MLLT3: variants seen among roughly 807,000 people sequenced by gnomAD.
The protein encoded by MLLT3 is MLLT3 super elongation complex subunit.
Under a neutral mutation model 53.2 loss-of-function variants are expected in MLLT3, and 4 were observed. The observed-to-expected ratio is 0.08, with a 90% CI of 0.04 to 0.17. The LOEUF (loss-of-function observed/expected upper bound fraction) is 0.17, where lower values mean the gene tolerates loss of function less well. Among genes scored for constraint, MLLT3 ranks in the 10% least tolerant of loss-of-function variants. The probability of loss-of-function intolerance (pLI) is 1.00; values close to 1 mark genes in which losing one functional copy is unlikely to be tolerated. For missense variants in MLLT3, 569 were observed against 684.0 expected, an observed-to-expected ratio of 0.83 and a Z score of 1.87; for synonymous variants, 283 against 230.6, an observed-to-expected ratio of 1.23 and a Z score of -2.06.
At chr9:20,506,127 T>C (rs1825374487) in intron 2 of MLLT3, among the ~76,000 whole-genome samples, 1 of 151,880 alleles carries the variant, frequency 6.6e-6, no homozygotes, top group South Asian at 2.1e-4. Flanking sequence ...CGATTTCGGC[T>C]CACTGCAACC....
chr9:20,364,400 A>C (rs1488214173), intron 6 of MLLT3, among the ~76,000 whole-genome samples: 1 of 152,212 alleles, frequency 6.6e-6, no homozygotes, highest in Non-Finnish European at 1.5e-5. Context: ...AGTGTGGCTT[A>C]TTTTCACTTT....
At chr9:20,396,950 A>G (rs1382776121) in intron 5 of MLLT3, among the ~76,000 whole-genome samples, 2 of 152,180 alleles carry the variant, frequency 1.3e-5, no homozygotes, top group African/African-American at 4.8e-5. Context: ...AGTTAAACAC[A>G]TACACACACT....
At chr9:20,506,897 T>C (rs10811356) in intron 2 of MLLT3, among the ~76,000 whole-genome samples, 32,884 of 152,130 alleles carry the variant, frequency 0.22, 3,697 homozygotes, top group African/African-American at 0.27. Flanking sequence ...ATTTGATTAA[T>C]TGAAAATTAA....
intron 2 of MLLT3, among the ~76,000 whole-genome samples, chr9:20,530,723 T>G (rs1388874607): frequency 2.0e-5 from 3 of 152,214 alleles, no homozygotes; most frequent in Admixed American, 2.0e-4. Flanking sequence ...CTCTACATCC[T>G]GGGTTTCAAT....
chr9:20,450,580 C>G (rs952815399), intron 3 of MLLT3, among the ~76,000 whole-genome samples: 1 of 152,184 alleles, frequency 6.6e-6, no homozygotes, highest in African/African-American at 2.4e-5. Flanking sequence ...TGGCCTTTCA[C>G]AAGTAGTGCT....
chr9:20,451,139 A>G (rs1823829624), intron 3 of MLLT3, among the ~76,000 whole-genome samples: 2 of 152,194 alleles, frequency 1.3e-5, no homozygotes, highest in Admixed American at 6.5e-5. Flanking sequence ...TGCTAACTGA[A>G]TTAAAGGCAA....
At chr9:20,552,472 AGCTAGACTCTAGCT>A (rs1346911239) in intron 2 of MLLT3, among the ~76,000 whole-genome samples, 1 of 152,162 alleles carries the variant, frequency 6.6e-6, no homozygotes, top group East Asian at 1.9e-4. Context: ...CACCACTAGC[AGCTAGACTCTAGCT>A]GCTAGAACAT....
rs375173076 is a variant in MLLT3 at position 20,622,302 on chromosome 9, C to T, written c.-46G>A. 3 of 1,499,630 alleles carry T rather than the reference C, an allele frequency of 2.0e-6. No homozygotes were observed. Among genetic ancestry groups the T allele is most frequent in the African/African-American group, 1.4e-5 (1 of 70,142 alleles). 92.9% of individuals were successfully genotyped at this position (1,499,630 alleles called of 1,614,324 possible). ...GCTGGGGTGTTGTGTGGTACCCCCC[C>T]CTCCTCCGCCCCCCCTCAGCTGTAA... On this transcript the variant is annotated 5_prime_UTR_variant, in exon 1 of 11. Transcript: ENST00000380338.
intron 2 of MLLT3, among the ~76,000 whole-genome samples, chr9:20,537,241 G>C (rs1299591376): frequency 6.6e-6 from 1 of 152,078 alleles, no homozygotes; most frequent in African/African-American, 2.4e-5. Flanking sequence ...AAAGAGCTAA[G>C]GCCAAATCAA....
At chr9:20,491,230 A>C (rs1243062384) in intron 2 of MLLT3, among the ~76,000 whole-genome samples, 1 of 152,160 alleles carries the variant, frequency 6.6e-6, no homozygotes, top group Non-Finnish European at 1.5e-5. Flanking sequence ...TGTCAATCAA[A>C]GGCTACGTTT....
chr9:20,558,929 G>A (rs968795331), intron 2 of MLLT3, among the ~76,000 whole-genome samples: 3 of 152,200 alleles, frequency 2.0e-5, no homozygotes, highest in African/African-American at 7.2e-5. Flanking sequence ...CTTTCTCATA[G>A]CTTAGTCACA....
chr9:20,579,828 A>G (rs1819745865), intron 2 of MLLT3, among the ~76,000 whole-genome samples: 1 of 152,304 alleles, frequency 6.6e-6, no homozygotes, highest in South Asian at 2.1e-4. Context: ...TGATCCACAG[A>G]GCTCAGTATG....
intron 5 of MLLT3, among the ~76,000 whole-genome samples, chr9:20,377,701 C>T (rs986293459): frequency 6.6e-6 from 1 of 152,060 alleles, no homozygotes; most frequent in South Asian, 2.1e-4. Flanking sequence ...GACTATCTTA[C>T]AGAATTTTCC....
At chr9:20,408,939 C>T (rs752222032) in intron 5 of MLLT3, among the ~76,000 whole-genome samples, 4 of 151,968 alleles carry the variant, frequency 2.6e-5, no homozygotes, top group Non-Finnish European at 4.4e-5. Flanking sequence ...TATCCTGCAT[C>T]GGAATCACCA....
chr9:20,605,462 G>A (rs1820539353), intron 2 of MLLT3, among the ~76,000 whole-genome samples: 1 of 151,994 alleles, frequency 6.6e-6, no homozygotes, highest in Non-Finnish European at 1.5e-5. Flanking sequence ...ACCCAACAAA[G>A]TTATGCTTAT....
chr9:20,527,090 G>C (rs1327904121), intron 2 of MLLT3, among the ~76,000 whole-genome samples: 3 of 152,104 alleles, frequency 2.0e-5, no homozygotes, highest in African/African-American at 7.2e-5. Flanking sequence ...ACAGGGAAAA[G>C]ACAAAGAACA....
intron 5 of MLLT3, chr9:20,411,024 A>G (rs1386582017): frequency 6.6e-6 from 1 of 152,232 alleles, no homozygotes; most frequent in East Asian, 1.9e-4. Flanking sequence ...AAAGCTGGAA[A>G]GGACCTTAGA....
chr9:20,462,993 A>G (rs1470070938), intron 2 of MLLT3, among the ~76,000 whole-genome samples: 1 of 152,172 alleles, frequency 6.6e-6, no homozygotes, highest in East Asian at 1.9e-4. Context: ...ATGAAACAAC[A>G]GACAATACAA....
At chr9:20,388,985 T>A (rs1305825134) in intron 5 of MLLT3, among the ~76,000 whole-genome samples, 1 of 152,198 alleles carries the variant, frequency 6.6e-6, no homozygotes, top group Admixed American at 6.5e-5. Context: ...CTGCAAATGC[T>A]GCAGTAGGAT....
Sources: allele counts gnomAD v4.1 joint callset (sites outside exome capture counted in the v4.1 genomes callset), GRCh38; gene constraint gnomAD v4.1.1; transcripts MANE v1.5; gene names NCBI Gene and HGNC (gene_info 2026-07-23, HGNC 2026-07-21).